SRGAP3: variants seen among roughly 807,000 people sequenced by gnomAD.
SRGAP3 encodes SLIT-ROBO Rho GTPase-activating protein 3.
Under a neutral mutation model 121.1 loss-of-function variants are expected in SRGAP3, and 39 were observed. The ratio of observed to expected loss-of-function variants is 0.32; its 90% CI spans 0.25 to 0.42. SRGAP3 has a LOEUF of 0.42. Among genes scored for constraint, SRGAP3 ranks in the 10% least tolerant of loss-of-function variants. The pLI is 1.00. For missense variants in SRGAP3, 1,213 were observed against 1,470.6 expected (o/e 0.82, Z 2.86); for synonymous variants, 601 against 570.0 (o/e 1.05, Z -0.77).
chr3:9,287,572 C>T (rs1954796928), intron 3 of SRGAP3, among the ~76,000 whole-genome samples: 1 of 152,088 alleles, frequency 6.6e-6, no homozygotes. Flanking sequence ...CATGAACTCA[C>T]AGAGTGAAAT....
At chr3:9,072,763 C>T (rs896456004) in intron 4 of SRGAP3, among the ~76,000 whole-genome samples, 2 of 152,248 alleles carry the variant, frequency 1.3e-5, no homozygotes, top group Non-Finnish European at 2.9e-5. Context: ...AGCAAGGTGA[C>T]TTTCGGTGTC....
At chr3:9,077,750 C>T (rs1276079412) in intron 4 of SRGAP3, among the ~76,000 whole-genome samples, 5 of 152,244 alleles carry the variant, frequency 3.3e-5, no homozygotes, top group African/African-American at 1.2e-4. Flanking sequence ...GGCCACTGTG[C>T]TGGGCACTGG....
At chr3:9,088,535 C>T (rs1947596598) in intron 3 of SRGAP3, among the ~76,000 whole-genome samples, 2 of 152,130 alleles carry the variant, frequency 1.3e-5, no homozygotes, top group Non-Finnish European at 2.9e-5. Context: ...GGCCTCCACC[C>T]GTGAGAGGCC....
At chr3:9,319,680 A>G (rs1471869864) in intron 3 of SRGAP3, among the ~76,000 whole-genome samples, 1 of 151,930 alleles carries the variant, frequency 6.6e-6, no homozygotes, top group African/African-American at 2.4e-5. Flanking sequence ...GAATCCCTCA[A>G]ATTCTCACTA....
chr3:9,290,047 G>A (rs1954845628), intron 3 of SRGAP3, among the ~76,000 whole-genome samples: 1 of 152,058 alleles, frequency 6.6e-6, no homozygotes, highest in Non-Finnish European at 1.5e-5. Context: ...GGAGGCAGGG[G>A]TTGCAGCGAG....
At chr3:9,362,304 C>G (rs547445813) in intron 1 of SRGAP3, among the ~76,000 whole-genome samples, 1 of 148,998 alleles carries the variant, frequency 6.7e-6, no homozygotes, top group African/African-American at 2.5e-5. Flanking sequence ...GCTAGGACTA[C>G]AGGTGCAGGC....
At chr3:9,074,346 G>A (rs114568405) in intron 4 of SRGAP3, among the ~76,000 whole-genome samples, 68 of 152,304 alleles carry the variant, frequency 4.5e-4, no homozygotes, top group African/African-American at 1.6e-3. Flanking sequence ...GAATAATCCA[G>A]ACAAATGAAC....
chr3:9,145,663 C>CA (rs200245084), intron 1 of SRGAP3, among the ~76,000 whole-genome samples: 1,544 of 152,146 alleles, frequency 0.01, 13 homozygotes, highest in African/African-American at 0.019. Flanking sequence ...CTAACAAATA[C>CA]AAAAAATCAC....
At position 8,984,065 on chromosome 3, in the gene SRGAP3, G is replaced by A. The variant is rs941126801; in HGVS notation, c.*1454C>T. 3.0e-5 allele frequency: 7 copies of A among 231,876 alleles called. No homozygotes were observed. Among genetic ancestry groups the A allele is most frequent in the Non-Finnish European group, 5.1e-5 (6 of 117,264 alleles). 14.4% of individuals were successfully genotyped at this position (231,876 alleles called of 1,614,324 possible). On this transcript the variant is annotated 3_prime_UTR_variant, in exon 22 of 22. Coordinates refer to ENST00000383836, the MANE Select transcript of SRGAP3 (RefSeq NM_014850.4). Reference sequence around the variant, plus strand: ...GAGGAGGTAAAATGGAATCGAAGGAGAGCGACCCGGAAGGGCTTTACTTGG... The same window carrying A: ...GAGGAGGTAAAATGGAATCGAAGGAAAGCGACCCGGAAGGGCTTTACTTGG...
chr3:9,357,944 G>A (rs753939499), intron 1 of SRGAP3, among the ~76,000 whole-genome samples: 27 of 151,380 alleles, frequency 1.8e-4, no homozygotes, highest in East Asian at 1.4e-3. Flanking sequence ...GCACAATCCC[G>A]GCTCATTGCA....
At chr3:9,133,195 C>T (rs1949523169) in intron 1 of SRGAP3, among the ~76,000 whole-genome samples, 1 of 151,896 alleles carries the variant, frequency 6.6e-6, no homozygotes, top group African/African-American at 2.4e-5. Flanking sequence ...ATAATACATC[C>T]TGGAGGCCGG....
chr3:9,214,569 C>T (rs994043289), intron 1 of SRGAP3, among the ~76,000 whole-genome samples: 1 of 152,132 alleles, frequency 6.6e-6, no homozygotes, highest in Admixed American at 6.5e-5. Context: ...AAGTTAAACT[C>T]CAAGACAAAA....
At chr3:9,088,415 C>A (rs1947590991) in intron 3 of SRGAP3, among the ~76,000 whole-genome samples, 1 of 152,188 alleles carries the variant, frequency 6.6e-6, no homozygotes, top group Non-Finnish European at 1.5e-5. Flanking sequence ...ATGCAGGGAA[C>A]CCCAGCCCTG....
chr3:9,314,952 C>T (rs1237626658), intron 3 of SRGAP3, among the ~76,000 whole-genome samples: 3 of 152,200 alleles, frequency 2.0e-5, no homozygotes, highest in Non-Finnish European at 2.9e-5. Flanking sequence ...CCAGACCAGC[C>T]TTGGCATGAC....
intron 1 of SRGAP3, among the ~76,000 whole-genome samples, chr3:9,195,060 A>G (rs191672264): frequency 4.5e-4 from 69 of 152,332 alleles, no homozygotes. Context: ...CCTGGTGTAA[A>G]TATTCCCACC....
At chr3:8,992,722 GA>G in intron 20 of SRGAP3, 183 bp downstream of exon 20, 1 of 914,822 alleles carries the variant, frequency 1.1e-6, no homozygotes, top group South Asian at 1.4e-5. Context: ...ACACAGGCTG[GA>G]TGGTTCTATA....
chr3:9,284,997 A>G (rs1954744198), intron 3 of SRGAP3, among the ~76,000 whole-genome samples: 1 of 152,224 alleles, frequency 6.6e-6, no homozygotes, highest in South Asian at 2.1e-4. Flanking sequence ...TAAGAGCCAG[A>G]TATCTGCAAA....
chr3:9,010,121 C>G (rs1943288624), intron 18 of SRGAP3, among the ~76,000 whole-genome samples, 187 bp downstream of exon 18: 1 of 152,212 alleles, frequency 6.6e-6, no homozygotes, highest in South Asian at 2.1e-4. Context: ...TGCTCTGTGT[C>G]AGGCCCATGC....
chr3:9,332,060 C>T (rs923311309), intron 1 of SRGAP3, among the ~76,000 whole-genome samples: 13 of 152,228 alleles, frequency 8.5e-5, no homozygotes, highest in Non-Finnish European at 7.4e-5. Context: ...TATGCTGGGC[C>T]AATGCTACGA....
Sources: allele counts gnomAD v4.1 joint callset (sites outside exome capture counted in the v4.1 genomes callset), GRCh38; gene constraint gnomAD v4.1.1; transcripts MANE v1.5; gene names NCBI Gene and HGNC (gene_info 2026-07-23, HGNC 2026-07-21).